The following SMC3 variants were observed in gnomAD, a reference collection of about 807,000 sequenced individuals.
SMC3 encodes the protein structural maintenance of chromosomes protein 3.
Under a neutral mutation model 171.8 loss-of-function variants are expected in SMC3, and 20 were observed. That is an observed-to-expected ratio of 0.12 (90% CI 0.08 to 0.17). SMC3 has a LOEUF of 0.17. Among genes scored for constraint, SMC3 ranks in the 10% least tolerant of loss-of-function variants. SMC3 has a pLI of 1.00. For synonymous variants in SMC3, 464 were observed against 451.1 expected, an observed-to-expected ratio of 1.03 and a Z score of -0.36; for missense variants, 543 against 1,420.4, an observed-to-expected ratio of 0.38 and a Z score of 9.93.
chr10:110,600,680 G>T (rs375290474), intron 22 of SMC3, 134 bp downstream of exon 22: 2 of 679,884 alleles, frequency 2.9e-6, no homozygotes, highest in African/African-American at 1.8e-5. Flanking sequence ...TGGGCCTTGG[G>T]TTGGAATTCT....
intron 13 of SMC3, among the ~76,000 whole-genome samples, chr10:110,585,475 G>A (rs1270219389): frequency 6.6e-6 from 1 of 151,188 alleles, no homozygotes; most frequent in Non-Finnish European, 1.5e-5. Context: ...ATTTTTAGTA[G>A]AGGTGGGGTT....
intron 4 of SMC3, among the ~76,000 whole-genome samples, chr10:110,576,311 A>G (rs1860950064): frequency 6.6e-6 from 1 of 152,174 alleles, no homozygotes; most frequent in African/African-American, 2.4e-5. Flanking sequence ...TAAGTTGGGG[A>G]CCACCTGTAT....
In SMC3 at chr10:110,593,239, T is replaced by C. The variant is rs775372352; in HGVS notation, c.1963+16T>C. On this transcript the variant is annotated intron_variant, in intron 18 of 28. Coordinates refer to ENST00000361804, the MANE Select transcript of SMC3 (RefSeq NM_005445.4). ...ACTTTGGAAGGTTTGTAATACTAATTCTTAGCTTTAAACAGATAAATTCTA... is the reference window on the plus strand; with the variant it reads ...ACTTTGGAAGGTTTGTAATACTAATCCTTAGCTTTAAACAGATAAATTCTA... The C allele has an allele frequency of 2.0e-5, 32 of 1,611,656 alleles. No homozygotes were observed. In the East Asian group the frequency reaches 7.1e-4, roughly 36 times the overall value.
At chr10:110,603,097 A>C in intron 27 of SMC3, 87 bp from the exon 28 acceptor site, 5 of 1,539,086 alleles carry the variant, frequency 3.2e-6, no homozygotes, top group Non-Finnish European at 4.5e-6. Context: ...GGCAGTTTTG[A>C]ATTTTAGTAA....
Position 110,583,277 on chromosome 10 carries a change from G to A in SMC3, c.805-107G>A, listed in dbSNP as rs182914346. The A allele has an allele frequency of 5.5e-4, 494 of 900,060 alleles. 1 individual carries two copies. In the African/African-American group the frequency reaches 7.3e-3, roughly 13 times the overall value. The allele number at this position is 900,060 out of a possible 1,614,324, so 55.8% of individuals were successfully genotyped here. On this transcript the variant is annotated intron_variant, in intron 10 of 28. Transcript: ENST00000361804. ...GGGAGAGTTAGAGGAATTGAATATTGAAAGGACAGAGTATTACTAAACATT... is the reference window on the plus strand; with the variant it reads ...GGGAGAGTTAGAGGAATTGAATATTAAAAGGACAGAGTATTACTAAACATT...
intron 13 of SMC3, among the ~76,000 whole-genome samples, chr10:110,588,340 TTAG>T (rs1287380245): frequency 1.3e-5 from 2 of 152,202 alleles, no homozygotes; most frequent in South Asian, 2.1e-4. Flanking sequence ...GTCAGTGGAA[TTAG>T]TAGTAACATT....
At chr10:110,589,079 C>G (rs1861167076) in intron 13 of SMC3, among the ~76,000 whole-genome samples, 1 of 151,848 alleles carries the variant, frequency 6.6e-6, no homozygotes, top group Non-Finnish European at 1.5e-5. Flanking sequence ...GCTCTTTTGC[C>G]TAAAGACAAC....
chr10:110,584,750 A>G (rs1564790708), intron 13 of SMC3, among the ~76,000 whole-genome samples: 1 of 152,050 alleles, frequency 6.6e-6, no homozygotes, highest in Non-Finnish European at 1.5e-5. Context: ...TTAGCCTCCT[A>G]ACTGGGACCA....
intron 18 of SMC3, among the ~76,000 whole-genome samples, chr10:110,596,105 C>G (rs1861296499): frequency 6.6e-6 from 1 of 150,918 alleles, no homozygotes; most frequent in South Asian, 2.1e-4. Context: ...ACCTGTAGTC[C>G]TAGCCACTCA....
intron 16 of SMC3, 46 bp from the exon 17 acceptor site, chr10:110,590,945 G>C: frequency 6.3e-7 from 1 of 1,584,722 alleles, no homozygotes; most frequent in East Asian, 2.2e-5. Context: ...AACATAGGGA[G>C]ACCCTGAGTA....
intron 7 of SMC3, among the ~76,000 whole-genome samples, chr10:110,579,077 T>C (rs931216811): frequency 6.6e-6 from 1 of 152,244 alleles, no homozygotes; most frequent in Non-Finnish European, 1.5e-5. Flanking sequence ...ACTGAAAAGC[T>C]AACATTACCA....
At chr10:110,572,725 T>C (rs1590548774) in intron 2 of SMC3, among the ~76,000 whole-genome samples, 1 of 152,230 alleles carries the variant, frequency 6.6e-6, no homozygotes, top group East Asian at 1.9e-4. Flanking sequence ...ATTTACCATC[T>C]GTTGATGACC....
intron 6 of SMC3, among the ~76,000 whole-genome samples, 163 bp downstream of exon 6, chr10:110,578,077 A>G (rs1860979693): frequency 1.3e-5 from 2 of 151,954 alleles, no homozygotes; most frequent in African/African-American, 4.8e-5. Context: ...CCCAGCCAGC[A>G]TTTTTCTTTT....
chr10:110,584,988 CA>C (rs1861087438), intron 13 of SMC3, among the ~76,000 whole-genome samples: 3 of 151,714 alleles, frequency 2.0e-5, no homozygotes, highest in Admixed American at 2.0e-4. Flanking sequence ...CAAGATGTCA[CA>C]ACATATGTCT....
intron 19 of SMC3, among the ~76,000 whole-genome samples, chr10:110,596,891 G>A (rs7079318): frequency 0.99 from 149,958 of 150,854 alleles, 74,539 homozygotes; most frequent in Middle Eastern, 1. Flanking sequence ...CTTCCCTGTT[G>A]AATTTATGTA....
rs1861407602 is a variant in SMC3, at chr10:110,602,842, A to G, written c.3315A>G (p.Lys1105=). The G allele has an allele frequency of 1.9e-6, 3 of 1,613,844 alleles. No homozygotes were observed. The African/African-American group carries it at 4.0e-5, about 22-fold the overall frequency. The change falls in exon 27 of 29, where the codon AAA becomes AAG. Residue 1105 remains lysine, a synonymous_variant. Coordinates refer to ENST00000361804, the MANE Select transcript of SMC3 (RefSeq NM_005445.4). ...ATTTTTAGGTGTCATTTACAGGAAA[A>G]CAAGGTGAAATGAGAGAAATGCAAC... ...GVGIRVSFTG[K]QGEMREMQQL...
intron 6 of SMC3, among the ~76,000 whole-genome samples, chr10:110,578,234 C>T (rs184395422): frequency 3.9e-5 from 6 of 152,140 alleles, no homozygotes; most frequent in South Asian, 4.2e-4. Context: ...CCACCACACC[C>T]GGCTACTTTT....
intron 7 of SMC3, among the ~76,000 whole-genome samples, chr10:110,580,459 T>TA: frequency 6.6e-6 from 1 of 152,196 alleles, no homozygotes; most frequent in Admixed American, 6.6e-5. Context: ...AAAGGAGAGT[T>TA]ATGACCGTAA....
intron 17 of SMC3, among the ~76,000 whole-genome samples, chr10:110,592,369 T>A (rs1406934331): frequency 6.6e-6 from 1 of 152,088 alleles, no homozygotes; most frequent in Non-Finnish European, 1.5e-5. Context: ...AACTGCTTTG[T>A]GATTAGGAAA....
Sources: gnomAD v4.1 joint callset for allele counts (sites outside exome capture counted in the v4.1 genomes callset) on GRCh38, gnomAD v4.1.1 for gene constraint, MANE v1.5 for transcripts, NCBI Gene and HGNC (gene_info 2026-07-23, HGNC 2026-07-21) for gene names.